Variants in EXT2 observed in about 807,000 individuals in gnomAD.
EXT2 encodes the protein exostosin glycosyltransferase 2.
In EXT2, 53 loss-of-function variants were observed where a neutral mutation model predicts 81.6. The ratio of observed to expected loss-of-function variants is 0.65; its 90% CI spans 0.52 to 0.82. EXT2 has a LOEUF of 0.82. Among genes scored for constraint, EXT2 ranks in the 40% least tolerant of loss-of-function variants. EXT2 has a pLI of 0.00. For missense variants in EXT2, 774 were observed against 910.2 expected, an observed-to-expected ratio of 0.85 and a Z score of 1.93; for synonymous variants, 320 against 340.0, an observed-to-expected ratio of 0.94 and a Z score of 0.65.
intron 13 of EXT2, 138 bp from the exon 14 acceptor site, chr11:44,244,011 G>A: frequency 1.2e-6 from 1 of 834,924 alleles, no homozygotes; most frequent in Non-Finnish European, 2.0e-6. Context: ...GGCTACTTGA[G>A]CTTTTTTTGT....
At chr11:44,225,768 T>G (rs1446088319) in intron 10 of EXT2, among the ~76,000 whole-genome samples, 1 of 152,146 alleles carries the variant, frequency 6.6e-6, no homozygotes, top group Non-Finnish European at 1.5e-5. Flanking sequence ...ACTGTAACCT[T>G]GGGAGAACCA....
At position 44,250,064 on chromosome 11, in the gene EXT2, C is replaced by T. The variant is rs563308355; in HGVS notation, c.*5777C>T. On this transcript the variant is annotated 3_prime_UTR_variant, in exon 14 of 14. Coordinates refer to ENST00000533608, the MANE Select transcript of EXT2 (RefSeq NM_207122.2). ...CAGCCTGGGCGACAGAGCAAGACTC[C>T]GTCTCAAAAGAGAAAATGTTGTCTT... 2.6e-5 allele frequency among the ~76,000 whole-genome samples: 4 copies of T among 152,262 alleles called. No homozygotes were observed. Among genetic ancestry groups the T allele is most frequent in the East Asian group, 1.9e-4 (1 of 5,172 alleles).
intron 8 of EXT2, among the ~76,000 whole-genome samples, chr11:44,181,219 A>C (rs1955231652): frequency 6.6e-6 from 1 of 152,152 alleles, no homozygotes. Flanking sequence ...TTATCTTCTA[A>C]GTTTTTCATT....
At chr11:44,152,331 G>C (rs535409693) in intron 7 of EXT2, among the ~76,000 whole-genome samples, 2 of 152,060 alleles carry the variant, frequency 1.3e-5, no homozygotes, top group Non-Finnish European at 2.9e-5. Context: ...TTATCATCTA[G>C]GAGTTTTATA....
At chr11:44,228,330 T>C (rs1335674565) in intron 10 of EXT2, among the ~76,000 whole-genome samples, 1 of 152,150 alleles carries the variant, frequency 6.6e-6, no homozygotes, top group Admixed American at 6.5e-5. Context: ...ATAAAGGCAT[T>C]TGGTAGTAAT....
At chr11:44,119,169 T>TATATATATATATATATACAC (rs1192115471) in intron 4 of EXT2, among the ~76,000 whole-genome samples, 26 of 63,096 alleles carry the variant, frequency 4.1e-4, no homozygotes, top group East Asian at 5.7e-4. Context: ...TATATATATA[T>TATATATATATATATATACAC]ACACATACAC....
At chr11:44,243,755 G>A (rs1486045785) in intron 13 of EXT2, among the ~76,000 whole-genome samples, 1 of 150,650 alleles carries the variant, frequency 6.6e-6, no homozygotes, top group Non-Finnish European at 1.5e-5. Context: ...TCTCTTAGCT[G>A]GCAGAGATGG....
intron 13 of EXT2, 84 bp from the exon 14 acceptor site, chr11:44,244,065 T>TAGGA (rs1956069063): frequency 5.5e-6 from 7 of 1,279,710 alleles, no homozygotes; most frequent in Non-Finnish European, 8.0e-6. Flanking sequence ...CTCAACCTCT[T>TAGGA]GAACATACTA....
Position 44,126,931 on chromosome 11 carries a change from T to C in EXT2, c.1055T>C (p.Phe352Ser), listed in dbSNP as rs1954416096. Residue 352 changes from phenylalanine to serine, a missense_variant, in exon 6 of 14, where the codon TTC becomes TCC. Transcript: ENST00000533608. ...ATTGCAGACTCCTATATTTTGCCTT[T>C]CTCTGAAGTTCTTGACTGGAAGAGG... is the stretch of plus-strand genomic sequence containing the variant. ...VVIADSYILP[F>S]SEVLDWKRAS... 1.2e-6 allele frequency: 2 copies of C among 1,614,108 alleles called. No homozygotes were observed. The highest frequency in any genetic ancestry group is 1.7e-6 in the Non-Finnish European group (2 of 1,180,044).
At chr11:44,147,484 C>A (rs918079199) in intron 7 of EXT2, among the ~76,000 whole-genome samples, 8 of 152,304 alleles carry the variant, frequency 5.3e-5, no homozygotes, top group African/African-American at 1.9e-4. Context: ...TTACTAATAA[C>A]ACACTTCTTT....
At position 44,244,759 on chromosome 11, in the gene EXT2, C is replaced by T. The variant is rs74424177; in HGVS notation, c.*472C>T. On this transcript the variant is annotated 3_prime_UTR_variant, in exon 14 of 14. Coordinates refer to ENST00000533608, the MANE Select transcript of EXT2 (RefSeq NM_207122.2). ...CTTTCAGGGAACCAAACCCAGAATTCGGTGCAAAAGCCAAACATCTTGGTG... is the reference window on the plus strand; with the variant it reads ...CTTTCAGGGAACCAAACCCAGAATTTGGTGCAAAAGCCAAACATCTTGGTG... 5.1e-3 allele frequency: 1,314 copies of T among 255,198 alleles called. 14 individuals carry two copies. The highest frequency in any genetic ancestry group is 0.025 in the African/African-American group (1,158 of 45,944). The allele number at this position is 255,198 out of a possible 1,614,324, so 15.8% of individuals were successfully genotyped here.
chr11:44,115,287 T>C (rs1954206082), intron 4 of EXT2, among the ~76,000 whole-genome samples: 1 of 152,190 alleles, frequency 6.6e-6, no homozygotes, highest in Non-Finnish European at 1.5e-5. Flanking sequence ...ATTGTTGGGC[T>C]CAAGTGACCC....
rs1042424172 is a variant in EXT2, at chr11:44,125,055, C to T, written c.939+71C>T. On this transcript the variant is annotated intron_variant, in intron 5 of 13. Coordinates refer to ENST00000533608, the MANE Select transcript of EXT2 (RefSeq NM_207122.2). ...TTACATGGGTTAAAATTGAGCCCAG[C>T]GAACCTGAGTTGTTTTCAGCATGCA... 55 of 1,480,796 alleles carry T rather than the reference C, an allele frequency of 3.7e-5. 1 individual carries two copies. The South Asian group carries it at 3.9e-4, about 10-fold the overall frequency. 91.7% of individuals were successfully genotyped at this position (1,480,796 alleles called of 1,614,324 possible).
chr11:44,249,667 G>T lies in EXT2; in HGVS notation c.*5380G>T, dbSNP rs938680574. Among the ~76,000 whole-genome samples, 3 of 152,208 alleles carry T rather than the reference G, an allele frequency of 2.0e-5. No individual in the cohort carries two copies. The highest frequency in any genetic ancestry group is 7.2e-5 in the African/African-American group (3 of 41,450). ...CAAGCATCAACTCAAGGAACATTTG[G>T]TTTTCTGGTGAGCACAGCTGAAGAC... On this transcript the variant is annotated 3_prime_UTR_variant, in exon 14 of 14. Coordinates refer to ENST00000533608, the MANE Select transcript of EXT2 (RefSeq NM_207122.2).
intron 1 of EXT2, among the ~76,000 whole-genome samples, chr11:44,106,352 T>C (rs1274326448): frequency 6.6e-6 from 1 of 151,978 alleles, no homozygotes; most frequent in Non-Finnish European, 1.5e-5. Flanking sequence ...TCCTACCCCA[T>C]TCCTTTCTTC....
rs1235760769 is a variant in EXT2, at chr11:44,107,706, T to G, written c.-7T>G. On this transcript the variant is annotated 5_prime_UTR_variant, in exon 2 of 14. Coordinates refer to ENST00000533608, the MANE Select transcript of EXT2 (RefSeq NM_207122.2). ...AGGAGTGTGAGGAAGAGGCTGTCTG[T>G]GTCATTATGTGTGCGTCGGTCAAGT... 6.2e-7 allele frequency: 1 copy of G among 1,613,098 alleles called. No homozygotes were observed. Among genetic ancestry groups the G allele is most frequent in the African/African-American group, 1.3e-5 (1 of 74,920 alleles).
intron 13 of EXT2, among the ~76,000 whole-genome samples, chr11:44,239,604 G>C (rs1956011347): frequency 1.3e-5 from 2 of 150,916 alleles, no homozygotes; most frequent in Middle Eastern, 3.4e-3. Context: ...TGTTGGCCAG[G>C]ATGGTCTTGA....
At chr11:44,236,186 T>A (rs1034589669) in intron 12 of EXT2, 107 bp from the exon 13 acceptor site, 1 of 948,274 alleles carries the variant, frequency 1.1e-6, no homozygotes, top group Non-Finnish European at 1.7e-6. Context: ...TGCACGCGCA[T>A]GCAACATCTC....
intron 10 of EXT2, among the ~76,000 whole-genome samples, chr11:44,209,297 G>A (rs953025245): frequency 6.6e-6 from 1 of 152,088 alleles, no homozygotes; most frequent in Non-Finnish European, 1.5e-5. Context: ...GCACCAAAAG[G>A]CAGTAAGTAC....
Sources: gnomAD v4.1 joint callset for allele counts (sites outside exome capture counted in the v4.1 genomes callset) on GRCh38, gnomAD v4.1.1 for gene constraint, MANE v1.5 for transcripts, NCBI Gene and HGNC (gene_info 2026-07-23, HGNC 2026-07-21) for gene names.